MAP1B: variants seen among roughly 807,000 people sequenced by gnomAD.
MAP1B encodes the protein microtubule-associated protein 1B.
Under a neutral mutation model 176.1 loss-of-function variants are expected in MAP1B, and 12 were observed. The ratio of observed to expected loss-of-function variants is 0.07; its 90% CI spans 0.04 to 0.11. The LOEUF is 0.11. MAP1B is among the 10% of genes least tolerant of loss of function. The pLI is 1.00. For missense variants in MAP1B, 2,523 were observed against 2,990.5 expected (o/e 0.84, Z 3.65); for synonymous variants, 1,044 against 1,135.0 (o/e 0.92, Z 1.61).
intron 2 of MAP1B, among the ~76,000 whole-genome samples, chr5:72,132,614 T>C (rs1745754763): frequency 6.6e-6 from 1 of 152,230 alleles, no homozygotes; most frequent in Admixed American, 6.5e-5. Flanking sequence ...TGTATTTCCT[T>C]GAATTCTTTT....
chr5:72,143,256 T>C (rs900440700), intron 2 of MAP1B, among the ~76,000 whole-genome samples: 4 of 152,220 alleles, frequency 2.6e-5, no homozygotes, highest in Non-Finnish European at 4.4e-5. Flanking sequence ...CGTGTTGAGA[T>C]GCCAAATAGA....
rs531381491 is a variant in MAP1B at position 72,186,969 on chromosome 5, G to T, written c.510+215G>T. On this transcript the variant is annotated intron_variant, in intron 4 of 6. Coordinates refer to ENST00000296755, the MANE Select transcript of MAP1B (RefSeq NM_005909.5). This position sits in a 1 kb window ranked among gnomAD's most constrained non-coding sequence, Gnocchi z 4.3. ...ACAATTAATTGGAATCATTCTTAAT[G>T]TGCCTGAGATATAGATGGGAGGGGT... Among the ~76,000 whole-genome samples, 11 of 152,198 alleles carry T rather than the reference G, an allele frequency of 7.2e-5. No homozygotes were observed. The highest frequency in any genetic ancestry group is 3.2e-3 in the Middle Eastern group (1 of 316).
chr5:72,122,571 G>C (rs916996216), intron 2 of MAP1B, among the ~76,000 whole-genome samples: 5 of 151,874 alleles, frequency 3.3e-5, no homozygotes, highest in African/African-American at 9.7e-5. Flanking sequence ...CCATGTTCAG[G>C]CTTCCTCATT....
At chr5:72,201,493 C>T (rs912852721) in intron 5 of MAP1B, among the ~76,000 whole-genome samples, 1 of 152,222 alleles carries the variant, frequency 6.6e-6, no homozygotes, top group Non-Finnish European at 1.5e-5. Context: ...TCAGCAATGA[C>T]CTGGGCTTTT....
chr5:72,116,411 CT>C (rs1263360297), intron 2 of MAP1B: 5 of 413,062 alleles, frequency 1.2e-5, no homozygotes, highest in Non-Finnish European at 2.3e-5. Context: ...TTAAAATAGC[CT>C]TTTTTTCAGA....
chr5:72,146,460 C>T (rs915560004), intron 2 of MAP1B, among the ~76,000 whole-genome samples: 1 of 152,198 alleles, frequency 6.6e-6, no homozygotes, highest in East Asian at 1.9e-4. Flanking sequence ...GGGGAGTGAA[C>T]AATAATCGTA....
chr5:72,198,892 C>T lies in MAP1B; in HGVS notation c.5537C>T (p.Ala1846Val). The T allele has an allele frequency of 6.2e-7, 1 of 1,614,190 alleles. No individual in the cohort carries two copies. The highest frequency in any genetic ancestry group is 8.5e-7 in the Non-Finnish European group (1 of 1,180,030). ...TTCGATACAATGCAACACCATCTAG[C>T]CTTGAATAGAGATTTGTCCACACCT... is the stretch of plus-strand genomic sequence containing the variant. ...VLFDTMQHHL[A>V]LNRDLSTPGL... Residue 1846 changes from alanine to valine, a missense_variant, in exon 5 of 7, where the codon GCC becomes GTC. Transcript: ENST00000296755.
intron 2 of MAP1B, among the ~76,000 whole-genome samples, chr5:72,119,052 C>A (rs1486703911): frequency 6.6e-6 from 1 of 152,180 alleles, no homozygotes; most frequent in Non-Finnish European, 1.5e-5. Flanking sequence ...TTGTAGGTCT[C>A]ATTCAAGACC....
intron 2 of MAP1B, among the ~76,000 whole-genome samples, chr5:72,144,487 G>T: frequency 6.6e-6 from 1 of 151,960 alleles, no homozygotes; most frequent in East Asian, 1.9e-4. Context: ...TTGAACTCCT[G>T]GGCTCAAGAG....
chr5:72,177,379 G>A (rs1445655981), intron 2 of MAP1B, among the ~76,000 whole-genome samples: 1 of 148,072 alleles, frequency 6.8e-6, no homozygotes, highest in African/African-American at 2.7e-5. Context: ...TGGTGGGATG[G>A]AGGGGCACAG....
In MAP1B at chr5:72,200,978, A is replaced by T. The variant is rs1052209444; in HGVS notation, c.7012+611A>T. ...CAGTTGACCAGTGAGTGTCCGGTGA[A>T]AATTGAGAGAAAAACATTGATGGCT... On this transcript the variant is annotated intron_variant, in intron 5 of 6. Coordinates refer to ENST00000296755, the MANE Select transcript of MAP1B (RefSeq NM_005909.5). Among the ~76,000 whole-genome samples the T allele has an allele frequency of 5.9e-5, 9 of 152,196 alleles. No homozygotes were observed. The South Asian group carries it at 1.0e-3, about 17-fold the overall frequency.
rs1747290079 is a variant in MAP1B, at chr5:72,199,869, A to G, written c.6514A>G (p.Ile2172Val). 6.2e-7 allele frequency: 1 copy of G among 1,614,150 alleles called. No homozygotes were observed. Among genetic ancestry groups the G allele is most frequent in the Non-Finnish European group, 8.5e-7 (1 of 1,180,022 alleles). Residue 2172 changes from isoleucine (I) to valine (V), a missense_variant, in exon 5 of 7, where the codon ATC becomes GTC. Physicochemically the swap from Ile to Val is conservative, Grantham distance 29. Around this residue, in one of 4 missense-constraint regions of MAP1B, gnomAD observed 287 missense variants for 401.5 expected, o/e 0.71. Transcript: ENST00000296755. The surrounding 1 kb of genome is among the most constrained non-coding windows in gnomAD (Gnocchi z 4.2). ...VPPETEECPS[I>V]TADANIDSED... ...CCCGGAGACTGAAGAGTGCCCCTCC[A>G]TCACGGCCGATGCCAATATCGACTC...
Position 72,196,827 on chromosome 5 carries a change from G to A in MAP1B, c.3472G>A (p.Glu1158Lys). ...TGAAGAGACGGAGTCCCCTTCTCAG[G>A]AATTCGTAAATATCACCAAATATGA... Reference protein sequence around the residue: ...NNEETESPSQEFVNITKYESS... With the variant: ...NNEETESPSQKFVNITKYESS... Residue 1158 changes from glutamate to lysine, a missense_variant, in exon 5 of 7, where the codon GAA becomes AAA. This residue lies in a region of MAP1B where 1,925 missense variants were observed against 2,126.0 expected (regional missense o/e 0.91). Transcript: ENST00000296755. This position sits in a 1 kb window ranked among gnomAD's most constrained non-coding sequence, Gnocchi z 5.3. 1.2e-6 allele frequency: 2 copies of A among 1,614,088 alleles called. No individual in the cohort carries two copies. Among genetic ancestry groups the A allele is most frequent in the South Asian group, 1.1e-5 (1 of 91,070 alleles).
chr5:72,193,919 G>C lies in MAP1B; in HGVS notation c.564G>C (p.Leu188=). Residue 188 remains leucine, a synonymous_variant, in exon 5 of 7, where the codon CTG becomes CTC. Coordinates refer to ENST00000296755, the MANE Select transcript of MAP1B (RefSeq NM_005909.5). ...CTGCCAACAAAGCCAGCTTAACCCTGTTCTGTCCTGAAGAAGGGGACTGGA... is the reference window on the plus strand; with the variant it reads ...CTGCCAACAAAGCCAGCTTAACCCTCTTCTGTCCTGAAGAAGGGGACTGGA... ...THPANKASLT[L]FCPEEGDWKN... 1 of 1,613,922 alleles carries C rather than the reference G, an allele frequency of 6.2e-7. No homozygotes were observed.
At chr5:72,143,666 C>T (rs1027789658) in intron 2 of MAP1B, among the ~76,000 whole-genome samples, 1 of 152,186 alleles carries the variant, frequency 6.6e-6, no homozygotes, top group African/African-American at 2.4e-5. Context: ...GTATCATCAA[C>T]TGGGTGGCGT....
intron 2 of MAP1B, among the ~76,000 whole-genome samples, chr5:72,158,050 C>G (rs903097158): frequency 6.9e-6 from 1 of 145,424 alleles, no homozygotes; most frequent in African/African-American, 2.6e-5. Flanking sequence ...CGCGTTCGCC[C>G]AGGCTGGAGT....
rs538609053 is a variant in MAP1B at position 72,195,074 on chromosome 5, C to T, written c.1719C>T (p.His573=). 346 of 1,613,874 alleles carry T rather than the reference C, an allele frequency of 2.1e-4. 3 individuals carry two copies. The East Asian group carries it at 5.8e-3, about 27-fold the overall frequency. The change falls in exon 5 of 7, where the codon CAC becomes CAT. Residue 573 remains histidine (H), a synonymous_variant. Coordinates refer to ENST00000296755, the MANE Select transcript of MAP1B (RefSeq NM_005909.5). ...CCCCTGAGGTCACAAAAGTGAATCA[C>T]GTGGAAAAGCCACCCAAAGTTGAAA... ...EETPEVTKVN[H]VEKPPKVESK...
At chr5:72,184,164 G>A (rs1170807768) in intron 3 of MAP1B, among the ~76,000 whole-genome samples, 1 of 152,204 alleles carries the variant, frequency 6.6e-6, no homozygotes, top group Non-Finnish European at 1.5e-5. Flanking sequence ...AGAGACGCAA[G>A]CCCTCAGGCC....
chr5:72,168,490 T>C (rs962794993), intron 2 of MAP1B, among the ~76,000 whole-genome samples: 2 of 152,220 alleles, frequency 1.3e-5, no homozygotes, highest in African/African-American at 2.4e-5. Context: ...ATTCCAAGTG[T>C]ATATAAATAC....
Sources: allele counts gnomAD v4.1 joint callset (sites outside exome capture counted in the v4.1 genomes callset), GRCh38; gene constraint gnomAD v4.1.1; regional missense constraint gnomAD v4.1.1; non-coding constraint Gnocchi (gnomAD v3.1); transcripts MANE v1.5; gene names NCBI Gene and HGNC (gene_info 2026-07-23, HGNC 2026-07-21).